The following FAH variants were observed in gnomAD, a reference collection of about 807,000 sequenced individuals.
The protein encoded by FAH is fumarylacetoacetase.
FAH carries 47 observed loss-of-function variants against 55.8 expected under a neutral mutation model. The observed-to-expected ratio is 0.84, with a 90% confidence interval of 0.67 to 1.07. The LOEUF is 1.07. FAH is among the 50% of genes least tolerant of loss of function. The pLI is 0.00. For synonymous variants in FAH, 199 were observed against 207.7 expected, an observed-to-expected ratio of 0.96 and a Z score of 0.36; for missense variants, 495 against 545.9, an observed-to-expected ratio of 0.91 and a Z score of 0.93.
At chr15:80,184,673 G>C (rs767357679) in intron 13 of FAH, among the ~76,000 whole-genome samples, 3 of 152,124 alleles carry the variant, frequency 2.0e-5, no homozygotes, top group African/African-American at 7.2e-5. Flanking sequence ...AGGTGAGGTC[G>C]TTGCTCTCGA....
intron 8 of FAH, among the ~76,000 whole-genome samples, chr15:80,172,467 G>A (rs936895277): frequency 4.6e-5 from 7 of 152,190 alleles, no homozygotes; most frequent in Admixed American, 6.5e-5. Flanking sequence ...CTAGGGACAC[G>A]GCTGACATCA....
At chr15:80,155,102 C>T (rs118170180) in intron 1 of FAH, among the ~76,000 whole-genome samples, 1,659 of 152,248 alleles carry the variant, frequency 0.011, 29 homozygotes, top group Non-Finnish European at 0.014. Flanking sequence ...TATGCTTGGC[C>T]CCTTCTCACT....
chr15:80,159,608 G>A, intron 2 of FAH, 148 bp from the exon 3 acceptor site: 1 of 948,964 alleles, frequency 1.1e-6, no homozygotes, highest in South Asian at 1.3e-5. Context: ...ATGAATAAAT[G>A]ACAAAACTAA....
Position 80,186,025 on chromosome 15 carries a change from C to T in FAH, c.1181-105C>T. 25 of 864,270 alleles carry T rather than the reference C, an allele frequency of 2.9e-5. No homozygotes were observed. In the South Asian group the frequency reaches 3.2e-4, roughly 11 times the overall value. The allele number at this position is 864,270 out of a possible 1,614,324, so 53.5% of individuals were successfully genotyped here. On this transcript the variant is annotated intron_variant, in intron 13 of 13. Transcript: ENST00000561421. ...GTGTGTGTGATTCTGATGGCACCTT[C>T]CTGCCTCGGGCCAGCTGTGTGCTGA...
intron 5 of FAH, among the ~76,000 whole-genome samples, chr15:80,165,233 A>C (rs1423542580): frequency 6.6e-6 from 1 of 151,662 alleles, no homozygotes; most frequent in Admixed American, 6.6e-5. Flanking sequence ...TCTACTAAAA[A>C]TACAAAAATT....
intron 13 of FAH, among the ~76,000 whole-genome samples, chr15:80,181,566 C>A (rs2041331380): frequency 6.6e-6 from 1 of 152,068 alleles, no homozygotes; most frequent in Admixed American, 6.6e-5. Context: ...CCTCTTAATT[C>A]TTCTGGGGGT....
chr15:80,173,190 C>T lies in FAH; in HGVS notation c.837+46C>T, dbSNP rs1342444792. On this transcript the variant is annotated intron_variant, in intron 9 of 13. Transcript: ENST00000561421. ...AAGCTCCCAAACCCAGCCCTGCTGC[C>T]TCTGAGGCTGCTTGCCCACTGAGTG... 6 of 1,613,702 alleles carry T rather than the reference C, an allele frequency of 3.7e-6. No individual in the cohort carries two copies. In the Admixed American group the frequency reaches 8.3e-5, roughly 22 times the overall value.
In FAH at chr15:80,180,219, C is replaced by A. The variant is rs1801374; in HGVS notation, c.1056C>A (p.Ser352Arg). Reference sequence around the variant, plus strand: ...ACCTCCTGGCTTCTGGGACCATCAGCGGGCCGGTGAGTATCTGGCTGCACT... The same window carrying A: ...ACCTCCTGGCTTCTGGGACCATCAGAGGGCCGGTGAGTATCTGGCTGCACT... ...PGDLLASGTI[S>R]GPEPENFGSM... Residue 352 changes from serine to arginine, a missense_variant, in exon 12 of 14, where the codon AGC becomes AGA. Transcript: ENST00000561421. The A allele has an allele frequency of 1.9e-6, 3 of 1,605,582 alleles. No homozygotes were observed. In the South Asian group the frequency reaches 3.3e-5, roughly 18 times the overall value.
At chr15:80,159,631 T>C in intron 2 of FAH, 125 bp from the exon 3 acceptor site, 2 of 1,101,098 alleles carry the variant, frequency 1.8e-6, no homozygotes, top group Non-Finnish European at 2.8e-6. Context: ...GCAGAGGTCC[T>C]GAGAGTTTGA....
chr15:80,156,360 G>T (rs1366828718), intron 1 of FAH: 5 of 153,496 alleles, frequency 3.3e-5, no homozygotes, highest in Non-Finnish European at 7.3e-5. Flanking sequence ...ATCGATAATT[G>T]TCCATGATCA....
chr15:80,170,468 T>C (rs1404591375), intron 7 of FAH, among the ~76,000 whole-genome samples: 2 of 152,184 alleles, frequency 1.3e-5, no homozygotes, highest in African/African-American at 4.8e-5. Flanking sequence ...GGGAAATGAG[T>C]GGGCACTGCC....
At chr15:80,170,504 T>G (rs1054065691) in intron 7 of FAH, among the ~76,000 whole-genome samples, 1 of 152,242 alleles carries the variant, frequency 6.6e-6, no homozygotes, top group South Asian at 2.1e-4. Flanking sequence ...AGCAGGGCAT[T>G]CCCTGCCAGC....
At chr15:80,175,513 G>A (rs1253806797) in intron 10 of FAH, among the ~76,000 whole-genome samples, 1 of 152,104 alleles carries the variant, frequency 6.6e-6, no homozygotes, top group Non-Finnish European at 1.5e-5. Context: ...GAGCCCCTGG[G>A]GCCACACAGA....
intron 13 of FAH, among the ~76,000 whole-genome samples, chr15:80,181,831 C>T (rs1295145599): frequency 7.1e-6 from 1 of 140,002 alleles, no homozygotes; most frequent in Non-Finnish European, 1.6e-5. Context: ...CTGCAACCTC[C>T]ATCTCCCAGG....
intron 1 of FAH, among the ~76,000 whole-genome samples, chr15:80,153,359 G>T (rs1053848682): frequency 6.6e-6 from 1 of 152,158 alleles, no homozygotes; most frequent in African/African-American, 2.4e-5. Context: ...TTGTCCGCAG[G>T]TTTGCTGAGA....
At chr15:80,185,975 A>G (rs1353014909) in intron 13 of FAH, among the ~76,000 whole-genome samples, 155 bp from the exon 14 acceptor site, 4 of 152,088 alleles carry the variant, frequency 2.6e-5, no homozygotes, top group African/African-American at 7.2e-5. Flanking sequence ...GCTTCCGTGG[A>G]GGGTTATTCT....
rs1047845058 is a variant in FAH at position 80,167,871 on chromosome 15, T to C, written c.456-181T>C. On this transcript the variant is annotated intron_variant, in intron 5 of 13. Transcript: ENST00000561421. Reference sequence around the variant, plus strand: ...TTTTTGAGGCTGAATAATATTCCACTGTATGTATGTACCACAGTTTGTTTA... The same window carrying C: ...TTTTTGAGGCTGAATAATATTCCACCGTATGTATGTACCACAGTTTGTTTA... Among the ~76,000 whole-genome samples, 3 of 152,184 alleles carry C rather than the reference T, an allele frequency of 2.0e-5. No individual in the cohort carries two copies. In the South Asian group the frequency reaches 6.2e-4, roughly 31 times the overall value.
chr15:80,173,104 T>C lies in FAH; in HGVS notation c.797T>C (p.Met266Thr), dbSNP rs1254860368. ...ACTGTCTCTCCGTGGGTGGTGCCCA[T>C]GGATGCTCTCATGCCCTTTGCTGTG... Reference protein sequence around the residue: ...GTTVSPWVVPMDALMPFAVPN... With the variant: ...GTTVSPWVVPTDALMPFAVPN... The change falls in exon 9 of 14, where the codon ATG (methionine) becomes ACG (threonine). Residue 266 changes from methionine (M) to threonine (T), a missense_variant. Met to Thr is a moderately conservative substitution (Grantham distance 81, BLOSUM62 -1). Coordinates refer to ENST00000561421, the MANE Select transcript of FAH (RefSeq NM_000137.4). The C allele has an allele frequency of 6.2e-7, 1 of 1,614,076 alleles. No homozygotes were observed. Among genetic ancestry groups the C allele is most frequent in the Non-Finnish European group, 8.5e-7 (1 of 1,180,032 alleles).
chr15:80,172,951 G>A lies in FAH; in HGVS notation c.707-63G>A, dbSNP rs191028698. 1,234 of 1,611,918 alleles carry A rather than the reference G, an allele frequency of 7.7e-4. 7 individuals are homozygous for A. The African/African-American group carries it at 0.015, about 19-fold the overall frequency. On this transcript the variant is annotated intron_variant, in intron 8 of 13. Coordinates refer to ENST00000561421, the MANE Select transcript of FAH (RefSeq NM_000137.4). Reference sequence around the variant, plus strand: ...CTCTGCTCCTTGGTCAAGGGCAGGAGGGGGTCGTTGGGAGATGCCCTGATC... The same window carrying A: ...CTCTGCTCCTTGGTCAAGGGCAGGAAGGGGTCGTTGGGAGATGCCCTGATC...
Sources: allele counts gnomAD v4.1 joint callset (sites outside exome capture counted in the v4.1 genomes callset), GRCh38; gene constraint gnomAD v4.1.1; transcripts MANE v1.5; gene names NCBI Gene and HGNC (gene_info 2026-07-23, HGNC 2026-07-21).